The following USP34 variants were observed in gnomAD, a reference collection of about 807,000 sequenced individuals.
The protein encoded by USP34 is ubiquitin carboxyl-terminal hydrolase 34.
A neutral mutation model predicts 460.3 loss-of-function variants in USP34; 70 were observed. The observed-to-expected ratio is 0.15, with a 90% CI of 0.13 to 0.19. USP34 has a LOEUF of 0.19. Ranked by LOEUF, USP34 falls within the 10% of genes least tolerant of loss-of-function variation. USP34 has a pLI of 1.00. For synonymous variants in USP34, 1,647 were observed against 1,405.3 expected (o/e 1.17, Z -3.85); for missense variants, 3,985 against 4,236.2 (o/e 0.94, Z 1.65).
chr2:61,274,056 G>C (rs974466508), intron 41 of USP34, among the ~76,000 whole-genome samples: 3 of 151,220 alleles, frequency 2.0e-5, no homozygotes, highest in African/African-American at 7.3e-5. Flanking sequence ...AGCTGTAAAA[G>C]ATCAATACAC....
chr2:61,258,453 C>A (rs1292340156), intron 44 of USP34, among the ~76,000 whole-genome samples: 1 of 152,174 alleles, frequency 6.6e-6, no homozygotes, highest in African/African-American at 2.4e-5. Flanking sequence ...TTGGAATACT[C>A]CGGTTAATCT....
intron 67 of USP34, among the ~76,000 whole-genome samples, chr2:61,219,661 ACT>A (rs1687501728): frequency 6.8e-6 from 1 of 146,676 alleles, no homozygotes; most frequent in Admixed American, 6.9e-5. Flanking sequence ...ACAGAGTGAG[ACT>A]CTGTCTCAAA....
At chr2:61,212,393 A>C (rs1040471065) in intron 68 of USP34, among the ~76,000 whole-genome samples, 1 of 152,178 alleles carries the variant, frequency 6.6e-6, no homozygotes, top group Admixed American at 6.5e-5. Context: ...TCTCCTATCC[A>C]CTTTTTCTTT....
At chr2:61,410,970 A>G (rs1694018878) in intron 2 of USP34, among the ~76,000 whole-genome samples, 1 of 152,208 alleles carries the variant, frequency 6.6e-6, no homozygotes, top group South Asian at 2.1e-4. Context: ...AGGTACAATT[A>G]AAACCTGCAG....
At chr2:61,416,003 G>C (rs534707241) in intron 2 of USP34, among the ~76,000 whole-genome samples, 2 of 152,160 alleles carry the variant, frequency 1.3e-5, no homozygotes, top group African/African-American at 4.8e-5. Flanking sequence ...TTAGGTTTTA[G>C]AATTCCATCT....
At chr2:61,362,863 C>T (rs1267910725) in intron 10 of USP34, among the ~76,000 whole-genome samples, 1 of 152,152 alleles carries the variant, frequency 6.6e-6, no homozygotes, top group Non-Finnish European at 1.5e-5. Context: ...ACCTTAAATA[C>T]ATAATTTTTA....
chr2:61,437,774 A>AAAT (rs1694854947), intron 1 of USP34, among the ~76,000 whole-genome samples: 2 of 134,540 alleles, frequency 1.5e-5, no homozygotes, highest in Non-Finnish European at 3.1e-5. Flanking sequence ...CTCCGTCTCA[A>AAAT]AAATAAATAA....
rs141614939 is a variant in USP34, at chr2:61,418,617, A to T, written c.131+2129T>A. 2.6e-5 allele frequency among the ~76,000 whole-genome samples: 4 copies of T among 152,310 alleles called. No individual in the cohort carries two copies. In the East Asian group the frequency reaches 7.7e-4, roughly 29 times the overall value. On this transcript the variant is annotated intron_variant, in intron 2 of 79. Transcript: ENST00000398571. ...TTTTGCAGATTATCCATGCTTTATT[A>T]GTACCTGTTTATCCGCTAATTAGAA...
At chr2:61,264,893 T>C (rs1689001409) in intron 43 of USP34, among the ~76,000 whole-genome samples, 1 of 151,850 alleles carries the variant, frequency 6.6e-6, no homozygotes, top group Admixed American at 6.6e-5. Context: ...TAGCCCACGG[T>C]AAAAAAGAAT....
At chr2:61,392,502 T>C (rs1474928547) in intron 5 of USP34, among the ~76,000 whole-genome samples, 5 of 152,054 alleles carry the variant, frequency 3.3e-5, no homozygotes, top group Non-Finnish European at 5.9e-5. Flanking sequence ...CGTGCACTAG[T>C]TATCCCAGCT....
intron 30 of USP34, among the ~76,000 whole-genome samples, chr2:61,295,530 A>G (rs71420398): frequency 0.048 from 7,366 of 152,302 alleles, 238 homozygotes; most frequent in Non-Finnish European, 0.075. Flanking sequence ...AGCATGGGAA[A>G]ATAATTAACT....
intron 1 of USP34, among the ~76,000 whole-genome samples, chr2:61,469,518 T>C (rs2104131452): frequency 6.6e-6 from 1 of 152,340 alleles, no homozygotes; most frequent in East Asian, 1.9e-4. Flanking sequence ...AGGAAGTAAA[T>C]ACGGAGTTGA....
At chr2:61,456,106 AAAAC>A (rs1177619446) in intron 1 of USP34, among the ~76,000 whole-genome samples, 2 of 152,264 alleles carry the variant, frequency 1.3e-5, no homozygotes, top group African/African-American at 4.8e-5. Flanking sequence ...TGTTTTTAAA[AAAAC>A]AAATATTTAA....
intron 41 of USP34, among the ~76,000 whole-genome samples, chr2:61,270,717 T>C (rs1008938022): frequency 2.0e-5 from 3 of 152,070 alleles, no homozygotes; most frequent in Non-Finnish European, 1.5e-5. Context: ...ATTACAGACA[T>C]GAGCCACTGC....
chr2:61,300,628 T>G (rs1399193808), intron 29 of USP34, among the ~76,000 whole-genome samples: 2 of 151,320 alleles, frequency 1.3e-5, no homozygotes, highest in African/African-American at 2.4e-5. Flanking sequence ...AAACCCCATC[T>G]CTACTAGAAA....
At position 61,395,193 on chromosome 2, in the gene USP34, C is replaced by A; in HGVS notation, c.593G>T (p.Cys198Phe). 1 of 1,501,010 alleles carries A rather than the reference C, an allele frequency of 6.7e-7. No individual in the cohort carries two copies. The highest frequency in any genetic ancestry group is 1.2e-5 in the South Asian group (1 of 82,892). 93.0% of individuals were successfully genotyped at this position (1,501,010 alleles called of 1,614,324 possible). ...AAGGTAAACACTTACATTCATATCA[C>A]AGAATGCCCCTAATATGTTACTTTC... ...TQESNILGAFCDMNDVEVPLH... is the reference protein window; with the variant it reads ...TQESNILGAFFDMNDVEVPLH... The change falls in exon 4 of 80, where the codon TGT becomes TTT. Residue 198 changes from cysteine to phenylalanine, a missense_variant. By Grantham distance (205) the Cys-to-Phe change is radical. Coordinates refer to ENST00000398571, the MANE Select transcript of USP34 (RefSeq NM_014709.4).
intron 3 of USP34, among the ~76,000 whole-genome samples, chr2:61,397,804 CAGT>C (rs1288782102): frequency 8.6e-5 from 13 of 152,018 alleles, no homozygotes; most frequent in Non-Finnish European, 1.5e-4. Flanking sequence ...GAGGCTGAGG[CAGT>C]AGAACTGCCT....
intron 69 of USP34, 132 bp from the exon 70 acceptor site, chr2:61,209,109 C>T (rs1411041804): frequency 1.1e-5 from 5 of 444,210 alleles, no homozygotes; most frequent in Non-Finnish European, 2.0e-5. Context: ...GAGACTGCTT[C>T]ATCTGTTTCC....
intron 53 of USP34, among the ~76,000 whole-genome samples, chr2:61,237,745 AT>A (rs1217415827): frequency 7.6e-4 from 101 of 132,674 alleles, no homozygotes; most frequent in Admixed American, 8.3e-4. Flanking sequence ...TTATTTTTGT[AT>A]TTTTTTTTTT....
Sources: allele counts gnomAD v4.1 joint callset (sites outside exome capture counted in the v4.1 genomes callset), GRCh38; gene constraint gnomAD v4.1.1; transcripts MANE v1.5; gene names NCBI Gene and HGNC (gene_info 2026-07-23, HGNC 2026-07-21).